NHSL1: variants seen among roughly 807,000 people sequenced by gnomAD.
NHSL1 encodes NHS-like protein 1.
A neutral mutation model predicts 95.0 loss-of-function variants in NHSL1; 48 were observed. The ratio of observed to expected loss-of-function variants is 0.51; its 90% CI spans 0.40 to 0.64. The LOEUF (loss-of-function observed/expected upper bound fraction) is 0.64. Among genes scored for constraint, NHSL1 ranks in the 30% least tolerant of loss-of-function variants. The pLI, the probability that NHSL1 is intolerant of heterozygous loss-of-function variation, is 0.00. For synonymous variants in NHSL1, 783 were observed against 833.9 expected, an observed-to-expected ratio of 0.94 and a Z score of 1.05; for missense variants, 1,971 against 2,077.7, an observed-to-expected ratio of 0.95 and a Z score of 1.00.
In NHSL1 at chr6:138,442,104, G is replaced by A. The variant is rs749766642; in HGVS notation, c.543C>T (p.Phe181=). 1.3e-6 allele frequency: 2 copies of A among 1,549,700 alleles called. No homozygotes were observed. Among genetic ancestry groups the A allele is most frequent in the South Asian group, 2.4e-5 (2 of 83,578 alleles). The stretch of plus-strand genomic sequence containing the variant: ...ACCGCCGAAGGCTGGCCTGGCGATC[G>A]AAATTCTCCCCTAATGTAGAGTAGT... ...VVPINITGEN[F]DRQASLRRSL... The change falls in exon 5 of 8, where the codon TTC becomes TTT. Residue 181 remains phenylalanine (F), a synonymous_variant. Transcript: ENST00000343505.
chr6:138,557,204 G>A (rs879576070), intron 1 of NHSL1, among the ~76,000 whole-genome samples: 2 of 152,134 alleles, frequency 1.3e-5, no homozygotes, highest in Non-Finnish European at 2.9e-5. Flanking sequence ...GCCAACAGAA[G>A]ATAAACATGT....
intron 1 of NHSL1, among the ~76,000 whole-genome samples, chr6:138,627,119 G>A (rs961731933): frequency 2.0e-5 from 3 of 152,102 alleles, no homozygotes; most frequent in African/African-American, 7.2e-5. Flanking sequence ...TCTTCTCTAT[G>A]CAACACTGCT....
intron 1 of NHSL1, chr6:138,691,838 C>A (rs1424980302): frequency 1.8e-5 from 8 of 452,848 alleles, no homozygotes; most frequent in African/African-American, 4.0e-5. Flanking sequence ...GGATTCAGAG[C>A]CTGAACTCAA....
At chr6:138,571,863 C>G in exon 1 of NHSL1, 1 of 1,551,734 alleles carries the variant, frequency 6.4e-7, no homozygotes, top group Non-Finnish European at 8.7e-7. Flanking sequence ...GAGAGAGAAC[C>G]TGTATTCGGC....
At chr6:138,561,468 A>C (rs773755252) in intron 1 of NHSL1, among the ~76,000 whole-genome samples, 4 of 152,192 alleles carry the variant, frequency 2.6e-5, no homozygotes, top group Non-Finnish European at 5.9e-5. Context: ...AAAATGGAAA[A>C]GTAGAGTCCC....
chr6:138,572,768 G>C (rs189378823), upstream of NHSL1, among the ~76,000 whole-genome samples: 1 of 151,960 alleles, frequency 6.6e-6, no homozygotes, highest in East Asian at 1.9e-4. Context: ...CAGACTTCTG[G>C]GCATAAAGAA....
At chr6:138,596,134 G>A (rs922184138) in intron 1 of NHSL1, among the ~76,000 whole-genome samples, 8 of 152,148 alleles carry the variant, frequency 5.3e-5, no homozygotes, top group Non-Finnish European at 1.0e-4. Context: ...GTCAATGGTC[G>A]ATCCAAGGAA....
chr6:138,573,233 C>T (rs1783904968), upstream of NHSL1, among the ~76,000 whole-genome samples: 1 of 152,190 alleles, frequency 6.6e-6, no homozygotes. Flanking sequence ...GCTTGCAATG[C>T]ATTTGGGTGT....
chr6:138,480,249 A>G (rs560349228), intron 2 of NHSL1, among the ~76,000 whole-genome samples: 1 of 152,328 alleles, frequency 6.6e-6, no homozygotes, highest in Admixed American at 6.5e-5. Flanking sequence ...TGTATAATGC[A>G]GGTTTCACAC....
At chr6:138,549,988 C>G (rs2128331833), upstream of NHSL1, among the ~76,000 whole-genome samples, 1 of 152,048 alleles carries the variant, frequency 6.6e-6, no homozygotes, top group East Asian at 1.9e-4. Context: ...GCCTATAATC[C>G]CAGCACTTTA....
chr6:138,575,756 GCTT>G (rs1783959706), upstream of NHSL1, among the ~76,000 whole-genome samples: 1 of 151,946 alleles, frequency 6.6e-6, no homozygotes, highest in South Asian at 2.1e-4. Flanking sequence ...TCCTAAGTGG[GCTT>G]CTTAAGAAGC....
intron 1 of NHSL1, among the ~76,000 whole-genome samples, chr6:138,638,872 A>G (rs1405205273): frequency 1.3e-5 from 2 of 152,196 alleles, no homozygotes; most frequent in East Asian, 1.9e-4. Context: ...AGAGCTCACT[A>G]TTTTCAAGAA....
chr6:138,650,341 A>T (rs899130852), intron 1 of NHSL1: 1 of 957,698 alleles, frequency 1.0e-6, no homozygotes, highest in African/African-American at 1.6e-5. Context: ...AACACCGGGG[A>T]GTAACGGGGG....
intron 1 of NHSL1, among the ~76,000 whole-genome samples, chr6:138,498,753 G>A (rs1007151014): frequency 6.6e-6 from 1 of 152,076 alleles, no homozygotes; most frequent in African/African-American, 2.4e-5. Context: ...ACACAACAAA[G>A]AGTGCCAGGG....
chr6:138,536,882 C>T (rs1179368066), intron 1 of NHSL1, among the ~76,000 whole-genome samples: 2 of 152,252 alleles, frequency 1.3e-5, no homozygotes, highest in Middle Eastern at 3.4e-3. Flanking sequence ...AGCTCTTACA[C>T]TCCCTGGCCT....
rs753893706 is a variant in NHSL1 at position 138,447,069 on chromosome 6, G to A, written c.464C>T (p.Thr155Ile). ...TNWTKSLPLP[T>I]PEEKMRQQAQ... ...TTGCTGTCGCATCTTCTCTTCTGGTGTTGGCAGTGGAAGCGACTTGGTCCA... is the reference window on the plus strand; with the variant it reads ...TTGCTGTCGCATCTTCTCTTCTGGTATTGGCAGTGGAAGCGACTTGGTCCA... Residue 155 changes from threonine (T) to isoleucine (I), a missense_variant, in exon 4 of 8, where the codon ACA (threonine) becomes ATA (isoleucine). By Grantham distance (89) the Thr-to-Ile change is moderately conservative (BLOSUM62 -1). This residue lies in a region of NHSL1 where 1,602 missense variants were observed against 1,654.5 expected (regional missense o/e 0.97). Transcript: ENST00000343505. 6.4e-7 allele frequency: 1 copy of A among 1,551,736 alleles called. No individual in the cohort carries two copies. Among genetic ancestry groups the A allele is most frequent in the Admixed American group, 2.0e-5 (1 of 51,002 alleles).
intron 1 of NHSL1, among the ~76,000 whole-genome samples, chr6:138,564,494 G>A (rs772085476): frequency 1.4e-4 from 21 of 152,084 alleles, no homozygotes; most frequent in Non-Finnish European, 1.9e-4. Flanking sequence ...GGTGAAACCC[G>A]TCTCTACTAA....
At chr6:138,514,234 C>T (rs557649737) in intron 1 of NHSL1, among the ~76,000 whole-genome samples, 2 of 152,240 alleles carry the variant, frequency 1.3e-5, no homozygotes, top group South Asian at 4.1e-4. Flanking sequence ...AGAAGAATTG[C>T]TTGAACCCGG....
At chr6:138,560,877 T>C (rs1291471854) in intron 1 of NHSL1, among the ~76,000 whole-genome samples, 1 of 152,192 alleles carries the variant, frequency 6.6e-6, no homozygotes. Flanking sequence ...AAGAGAAGCT[T>C]AGGGAATAGA....
Sources: gnomAD v4.1 joint callset for allele counts (sites outside exome capture counted in the v4.1 genomes callset) on GRCh38, gnomAD v4.1.1 for gene constraint, gnomAD v4.1.1 regional missense constraint, MANE v1.5 for transcripts, NCBI Gene and HGNC (gene_info 2026-07-23, HGNC 2026-07-21) for gene names.